Variants in PPME1 observed in about 807,000 individuals in gnomAD.
The protein encoded by PPME1 is protein phosphatase methylesterase 1.
In PPME1, 17 loss-of-function variants were observed where a neutral mutation model predicts 56.9. That is an observed-to-expected ratio of 0.30 (90% CI 0.20 to 0.45). The LOEUF (loss-of-function observed/expected upper bound fraction) is 0.45. PPME1 is among the 20% of genes least tolerant of loss of function. The pLI, the probability that PPME1 is intolerant of heterozygous loss-of-function variation, is 1.00. For missense variants in PPME1, 357 were observed against 483.2 expected, an observed-to-expected ratio of 0.74 and a Z score of 2.45; for synonymous variants, 122 against 156.2, an observed-to-expected ratio of 0.78 and a Z score of 1.63.
chr11:74,187,632 G>A (rs1394506069), intron 1 of PPME1, among the ~76,000 whole-genome samples: 3 of 151,938 alleles, frequency 2.0e-5, no homozygotes, highest in Non-Finnish European at 4.4e-5. Flanking sequence ...TTTTTTAGTG[G>A]ATTCCTTAGG....
intron 9 of PPME1, 156 bp from the exon 10 acceptor site, chr11:74,245,920 T>C (rs1398603380): frequency 2.7e-6 from 2 of 730,910 alleles, no homozygotes; most frequent in African/African-American, 3.6e-5. Context: ...AACAAGACTG[T>C]TGGAAGGATT....
chr11:74,203,822 A>G lies in PPME1; in HGVS notation c.195+1A>G, dbSNP rs768850597. On this transcript the variant is annotated splice_donor_variant, in intron 2 of 13. Transcript: ENST00000328257. LOFTEE classifies it high-confidence loss of function. ...AGTAGAGAATGAAACTGGCAAGGATATATCCTTTGCAAAATGGCTTATTCT... is the reference window on the plus strand; with the variant it reads ...AGTAGAGAATGAAACTGGCAAGGATGTATCCTTTGCAAAATGGCTTATTCT... 6.3e-7 allele frequency: 1 copy of G among 1,595,560 alleles called. No homozygotes were observed. Among genetic ancestry groups the G allele is most frequent in the Non-Finnish European group, 8.6e-7 (1 of 1,168,644 alleles).
intron 3 of PPME1, among the ~76,000 whole-genome samples, chr11:74,209,438 G>A (rs912028591): frequency 2.0e-5 from 3 of 152,032 alleles, no homozygotes; most frequent in African/African-American, 4.8e-5. Flanking sequence ...TTTACCCCAC[G>A]CACATCCACA....
chr11:74,172,003 A>AG (rs1163701274), intron 1 of PPME1, among the ~76,000 whole-genome samples: 1 of 152,158 alleles, frequency 6.6e-6, no homozygotes, highest in Admixed American at 6.5e-5. Context: ...AGAAAAGCTG[A>AG]GGGGGGTAGA....
intron 7 of PPME1, among the ~76,000 whole-genome samples, chr11:74,231,603 A>G (rs1195686592): frequency 2.0e-5 from 3 of 152,224 alleles, no homozygotes; most frequent in African/African-American, 7.2e-5. Context: ...TTTTCCCAAT[A>G]CACTATAGTA....
At chr11:74,208,057 T>G (rs1858371812) in intron 3 of PPME1, among the ~76,000 whole-genome samples, 1 of 152,172 alleles carries the variant, frequency 6.6e-6, no homozygotes, top group African/African-American at 2.4e-5. Context: ...CTCATGCCTG[T>G]AATCCCAGCA....
At chr11:74,229,833 T>G (rs550380235) in intron 5 of PPME1, among the ~76,000 whole-genome samples, 1 of 152,238 alleles carries the variant, frequency 6.6e-6, no homozygotes, top group African/African-American at 2.4e-5. Flanking sequence ...ATTCTGAGGT[T>G]TACTACATTA....
intron 12 of PPME1, 163 bp from the exon 13 acceptor site, chr11:74,251,485 A>G (rs1859660059): frequency 1.4e-6 from 2 of 1,439,782 alleles, no homozygotes; most frequent in East Asian, 2.5e-5. Context: ...GGAGTCTTCT[A>G]GCTCTGCTAG....
At chr11:74,235,809 T>C in intron 7 of PPME1, 92 bp from the exon 8 acceptor site, 1 of 1,531,198 alleles carries the variant, frequency 6.5e-7, no homozygotes, top group South Asian at 1.2e-5. Context: ...TTATTAGGTC[T>C]CACATAATCT....
chr11:74,174,232 G>A (rs963700715), intron 1 of PPME1, among the ~76,000 whole-genome samples: 1 of 152,152 alleles, frequency 6.6e-6, no homozygotes, highest in African/African-American at 2.4e-5. Context: ...TATTCCTAAG[G>A]TACCCTAGAA....
intron 1 of PPME1, among the ~76,000 whole-genome samples, chr11:74,193,665 C>T (rs972146252): frequency 2.6e-5 from 4 of 152,078 alleles, no homozygotes; most frequent in Admixed American, 6.6e-5. Context: ...TTTGTATTTT[C>T]CATCTTCTAT....
intron 7 of PPME1, among the ~76,000 whole-genome samples, chr11:74,233,787 A>G (rs1420807579): frequency 6.6e-6 from 1 of 152,222 alleles, no homozygotes; most frequent in Non-Finnish European, 1.5e-5. Flanking sequence ...ATGCCACTGC[A>G]CTTCAGCCTG....
At chr11:74,201,499 G>A (rs1294629549) in intron 1 of PPME1, among the ~76,000 whole-genome samples, 1 of 152,178 alleles carries the variant, frequency 6.6e-6, no homozygotes, top group Non-Finnish European at 1.5e-5. Context: ...ATAAATGACA[G>A]CATGAGAAGA....
At chr11:74,192,757 T>C (rs1423871730) in intron 1 of PPME1, among the ~76,000 whole-genome samples, 1 of 152,168 alleles carries the variant, frequency 6.6e-6, no homozygotes, top group East Asian at 1.9e-4. Flanking sequence ...CTTCTCTTGC[T>C]TCTGCTCTCA....
chr11:74,187,037 G>T (rs1857702443), intron 1 of PPME1, among the ~76,000 whole-genome samples: 1 of 152,114 alleles, frequency 6.6e-6, no homozygotes, highest in African/African-American at 2.4e-5. Context: ...TGGCATCCTT[G>T]TCAAAAGTCA....
chr11:74,248,393 C>T (rs1859562606), intron 11 of PPME1: 1 of 152,218 alleles, frequency 6.6e-6, no homozygotes, highest in African/African-American at 2.4e-5. Context: ...GCCTATGTAG[C>T]AAACCTGCTG....
At chr11:74,182,994 C>CAAAAAAAA (rs34350281) in intron 1 of PPME1, among the ~76,000 whole-genome samples, 1 of 129,550 alleles carries the variant, frequency 7.7e-6, no homozygotes. Flanking sequence ...TTGTCTCTAC[C>CAAAAAAAA]AAAAAAAAAA....
At chr11:74,185,135 G>C (rs1857644042) in intron 1 of PPME1, among the ~76,000 whole-genome samples, 1 of 151,702 alleles carries the variant, frequency 6.6e-6, no homozygotes, top group Admixed American at 6.6e-5. Flanking sequence ...GAGTAGCTGG[G>C]ATTACAGGCA....
At chr11:74,181,595 T>A (rs915174259) in intron 1 of PPME1, among the ~76,000 whole-genome samples, 5 of 152,254 alleles carry the variant, frequency 3.3e-5, no homozygotes, top group Non-Finnish European at 1.5e-5. Flanking sequence ...CCTTTGTTTC[T>A]TTGTGCTTTC....
Sources: gnomAD v4.1 joint callset for allele counts (sites outside exome capture counted in the v4.1 genomes callset) on GRCh38, gnomAD v4.1.1 for gene constraint, MANE v1.5 for transcripts, NCBI Gene and HGNC (gene_info 2026-07-23, HGNC 2026-07-21) for gene names.